NRXN1: variants seen among roughly 807,000 people sequenced by gnomAD.
NRXN1 encodes neurexin 1, also known as neurexin-1.
NRXN1 carries 39 observed loss-of-function variants against 150.9 expected under a neutral mutation model. The ratio of observed to expected loss-of-function variants is 0.26; its 90% CI spans 0.20 to 0.34. The LOEUF (loss-of-function observed/expected upper bound fraction) is 0.34. NRXN1 is among the 10% of genes least tolerant of loss of function. NRXN1 has a pLI of 1.00. For missense variants in NRXN1, 1,815 were observed against 1,949.9 expected (o/e 0.93, Z 1.30); for synonymous variants, 924 against 757.0 (o/e 1.22, Z -3.62).
chr2:50,181,460 G>T (rs1238143151), intron 18 of NRXN1, among the ~76,000 whole-genome samples: 2 of 152,080 alleles, frequency 1.3e-5, no homozygotes, highest in Admixed American at 1.3e-4. Context: ...AAGAGACAAA[G>T]TATCTGCTGA....
intron 5 of NRXN1, among the ~76,000 whole-genome samples, chr2:50,809,316 G>A (rs921535017): frequency 2.0e-5 from 3 of 152,000 alleles, no homozygotes; most frequent in African/African-American, 7.2e-5. Flanking sequence ...GAAGCCATAA[G>A]CCCAAACATT....
At chr2:51,030,116 T>C (rs1671247645) in intron 1 of NRXN1, among the ~76,000 whole-genome samples, 1 of 152,182 alleles carries the variant, frequency 6.6e-6, no homozygotes, top group African/African-American at 2.4e-5. Context: ...ACTGATTTTT[T>C]TCCTAAGTCA....
At chr2:50,293,108 C>T (rs944634315) in intron 17 of NRXN1, among the ~76,000 whole-genome samples, 1 of 152,136 alleles carries the variant, frequency 6.6e-6, no homozygotes, top group African/African-American at 2.4e-5. Flanking sequence ...TCAAATATTG[C>T]TGGCTTTCTG....
intron 5 of NRXN1, among the ~76,000 whole-genome samples, chr2:50,910,855 A>G (rs546349688): frequency 6.6e-6 from 1 of 151,994 alleles, no homozygotes; most frequent in East Asian, 2.0e-4. Flanking sequence ...TGCTTCCTCT[A>G]TAACTCCAGG....
intron 17 of NRXN1, among the ~76,000 whole-genome samples, chr2:50,411,658 G>A (rs966035250): frequency 4.0e-5 from 6 of 151,450 alleles, no homozygotes; most frequent in African/African-American, 1.5e-4. Flanking sequence ...GAGAAGTGAG[G>A]AGCCCCTCCG....
intron 5 of NRXN1, among the ~76,000 whole-genome samples, chr2:50,912,517 C>T (rs1044960878): frequency 2.6e-5 from 4 of 151,754 alleles, no homozygotes; most frequent in African/African-American, 9.7e-5. Context: ...TCTGTTCTTA[C>T]ACAGGGAATT....
chr2:49,920,382 A>G lies in NRXN1; in HGVS notation c.*1562T>C, dbSNP rs2103970723. The G allele has an allele frequency of 6.5e-6, 1 of 152,744 alleles. No individual in the cohort carries two copies. Among genetic ancestry groups the G allele is most frequent in the East Asian group, 1.9e-4 (1 of 5,184 alleles). The allele number at this position is 152,744 out of a possible 1,614,324, so 9.5% of individuals were successfully genotyped here. On this transcript the variant is annotated 3_prime_UTR_variant, in exon 23 of 23. Coordinates refer to ENST00000401669, the MANE Select transcript of NRXN1 (RefSeq NM_001330078.2). ...ATATATATTATTTTATTAGAAAGAA[A>G]GTTTTCAATTGCAGCAGCCAGAGTT...
chr2:50,379,126 A>AT (rs2080750508), intron 17 of NRXN1, among the ~76,000 whole-genome samples: 1 of 152,132 alleles, frequency 6.6e-6, no homozygotes. Flanking sequence ...AGAAAAAAAA[A>AT]GACTGGAAAA....
intron 5 of NRXN1, among the ~76,000 whole-genome samples, chr2:50,863,587 G>A (rs372678066): frequency 6.6e-6 from 1 of 151,984 alleles, no homozygotes; most frequent in East Asian, 1.9e-4. Flanking sequence ...GCTCTAAATG[G>A]CCACACTTTT....
intron 18 of NRXN1, among the ~76,000 whole-genome samples, chr2:50,131,983 T>C (rs957861812): frequency 1.3e-5 from 2 of 152,160 alleles, no homozygotes; most frequent in African/African-American, 4.8e-5. Context: ...TGCGTGTGTA[T>C]GTGTGTGTGA....
At chr2:50,467,978 T>C (rs577440130) in intron 16 of NRXN1, among the ~76,000 whole-genome samples, 8 of 151,640 alleles carry the variant, frequency 5.3e-5, no homozygotes, top group South Asian at 2.1e-4. Context: ...GCATTAGAGA[T>C]CAAAAATAAT....
At chr2:50,396,527 G>C (rs76387576) in intron 17 of NRXN1, among the ~76,000 whole-genome samples, 5,853 of 152,168 alleles carry the variant, frequency 0.038, 180 homozygotes, top group Non-Finnish European at 0.057. Flanking sequence ...TCAAGAGTTT[G>C]AGAGTTTTTT....
chr2:50,681,160 C>T (rs1690334813), intron 5 of NRXN1, among the ~76,000 whole-genome samples: 1 of 152,194 alleles, frequency 6.6e-6, no homozygotes. Flanking sequence ...TGCACAGACT[C>T]TAATGTTGGA....
intron 16 of NRXN1, among the ~76,000 whole-genome samples, chr2:50,470,022 G>C (rs932792576): frequency 2.0e-5 from 3 of 151,384 alleles, no homozygotes; most frequent in Admixed American, 6.6e-5. Flanking sequence ...CATACCAGTG[G>C]TGGGGGTCCT....
chr2:50,341,015 T>C (rs1163527655), intron 17 of NRXN1, among the ~76,000 whole-genome samples: 4 of 152,280 alleles, frequency 2.6e-5, no homozygotes, highest in African/African-American at 9.6e-5. Flanking sequence ...CTTTTGGTCA[T>C]ACAGTATACA....
chr2:50,580,027 G>T (rs112333433), intron 8 of NRXN1, among the ~76,000 whole-genome samples: 3,743 of 152,288 alleles, frequency 0.025, 70 homozygotes, highest in Middle Eastern at 0.11. Context: ...CTTTTCCCAT[G>T]AGGTTTGAGA....
intron 5 of NRXN1, among the ~76,000 whole-genome samples, chr2:50,666,926 A>C (rs968862133): frequency 1.3e-5 from 2 of 151,166 alleles, no homozygotes; most frequent in African/African-American, 2.4e-5. Flanking sequence ...CATTTAAAAA[A>C]CTTTATTGAT....
intron 18 of NRXN1, among the ~76,000 whole-genome samples, chr2:50,190,732 C>A (rs751195142): frequency 1.3e-5 from 2 of 151,376 alleles, no homozygotes; most frequent in Admixed American, 6.6e-5. Flanking sequence ...CCTGCCTCAG[C>A]CTTCTGAGTA....
At chr2:51,006,255 T>G (rs1024111477) in intron 2 of NRXN1, among the ~76,000 whole-genome samples, 2 of 151,756 alleles carry the variant, frequency 1.3e-5, no homozygotes, top group East Asian at 3.9e-4. Context: ...GGGACATGGA[T>G]GAAGCTGGAA....
Sources: gnomAD v4.1 joint callset for allele counts (sites outside exome capture counted in the v4.1 genomes callset) on GRCh38, gnomAD v4.1.1 for gene constraint, MANE v1.5 for transcripts, NCBI Gene and HGNC (gene_info 2026-07-23, HGNC 2026-07-21) for gene names.